The following UVSSA variants were observed in gnomAD, a reference collection of about 807,000 sequenced individuals.
UVSSA encodes UV-stimulated scaffold protein A.
Under a neutral mutation model 73.9 loss-of-function variants are expected in UVSSA, and 72 were observed. The ratio of observed to expected loss-of-function variants is 0.97; its 90% confidence interval spans 0.81 to 1.19. UVSSA has a LOEUF of 1.19. Ranked by LOEUF, UVSSA falls within the 50% of genes most tolerant of loss-of-function variation. UVSSA has a pLI of 0.00. For missense variants in UVSSA, 1,150 were observed against 965.0 expected, an observed-to-expected ratio of 1.19 and a Z score of -2.54; for synonymous variants, 454 against 391.3, an observed-to-expected ratio of 1.16 and a Z score of -1.89.
At chr4:1,394,450 T>C in exon 14 of UVSSA, 2 of 1,606,780 alleles carry the variant, frequency 1.2e-6, no homozygotes, top group Non-Finnish European at 1.7e-6. Context: ...TGATACAAAA[T>C]GTGAGCCAGG....
intron 8 of UVSSA, among the ~76,000 whole-genome samples, chr4:1,367,871 T>C (rs1007308127): frequency 4.0e-5 from 6 of 151,678 alleles, no homozygotes; most frequent in Admixed American, 3.9e-4. Context: ...ACACTGTTCT[T>C]CCAACACCAG....
chr4:1,360,676 G>A (rs1385596411), intron 7 of UVSSA, among the ~76,000 whole-genome samples: 2 of 152,116 alleles, frequency 1.3e-5, no homozygotes, highest in Non-Finnish European at 2.9e-5. Flanking sequence ...TCCCGCCCCC[G>A]TGAGCCGAGT....
At chr4:1,342,242 G>T (rs1713458171), upstream of UVSSA, among the ~76,000 whole-genome samples, 1 of 152,158 alleles carries the variant, frequency 6.6e-6, no homozygotes, top group African/African-American at 2.4e-5. Context: ...GATTCCAGTG[G>T]CCCCACATTG....
chr4:1,348,134 T>TC lies in UVSSA; in HGVS notation c.44dup (p.Gly16ArgfsTer8). On this transcript the variant is annotated frameshift_variant, in exon 2 of 14. Transcript: ENST00000389851. LOFTEE classifies it high-confidence loss of function. The stretch of plus-strand genomic sequence containing the variant: ...GAAGTTGGTAGAAGAGCTCACAACT[T>TC]CAGGAGAACCCCGACTAAATCCTGA... 6.2e-7 allele frequency: 1 copy of TC among 1,613,870 alleles called. No individual in the cohort carries two copies. The highest frequency in any genetic ancestry group is 8.5e-7 in the Non-Finnish European group (1 of 1,179,990).
upstream of UVSSA, among the ~76,000 whole-genome samples, chr4:1,342,773 T>C (rs572464085): frequency 1.4e-4 from 22 of 152,336 alleles, no homozygotes; most frequent in South Asian, 3.5e-3. Flanking sequence ...GTTGGCTCCA[T>C]TAGAAAAAAT....
intron 10 of UVSSA, among the ~76,000 whole-genome samples, chr4:1,379,609 C>T (rs967348247): frequency 2.6e-5 from 4 of 152,220 alleles, no homozygotes; most frequent in Admixed American, 6.5e-5. Flanking sequence ...CCTGTCCTTA[C>T]GTCCCTGCAG....
At chr4:1,346,047 C>A (rs145271312), upstream of UVSSA, among the ~76,000 whole-genome samples, 3,515 of 152,206 alleles carry the variant, frequency 0.023, 79 homozygotes, top group Non-Finnish European at 0.033. Context: ...GGAGGAGCGG[C>A]TCGGGGCTGG....
chr4:1,381,119 C>T (rs542941090), intron 12 of UVSSA, 131 bp downstream of exon 12: 15 of 855,978 alleles, frequency 1.8e-5, no homozygotes, highest in Middle Eastern at 3.6e-4. Context: ...ACAAGCCTCT[C>T]GGTCATAACT....
At chr4:1,388,280 G>T (rs1273789263), downstream of UVSSA, 1 of 152,184 alleles carries the variant, frequency 6.6e-6, no homozygotes, top group Non-Finnish European at 1.5e-5. Context: ...TCACTTTGGG[G>T]CTGATCATTG....
chr4:1,364,736 C>T (rs1717088195), intron 7 of UVSSA, among the ~76,000 whole-genome samples: 1 of 152,098 alleles, frequency 6.6e-6, no homozygotes, highest in African/African-American at 2.4e-5. Context: ...TACCTCAACC[C>T]TGGGGGCATC....
At chr4:1,345,701 A>G (rs1713614186), upstream of UVSSA, among the ~76,000 whole-genome samples, 1 of 146,032 alleles carries the variant, frequency 6.8e-6, no homozygotes, top group South Asian at 2.2e-4. Flanking sequence ...GCGGATACAG[A>G]GGGCAGTGGA....
Position 1,395,437 on chromosome 4 carries a change from T to G in UVSSA, c.*9476T>G, listed in dbSNP as rs747126815. 3.3e-6 allele frequency: 5 copies of G among 1,521,352 alleles called. No homozygotes were observed. In the African/African-American group the frequency reaches 8.2e-5, roughly 25 times the overall value. 94.2% of individuals were successfully genotyped at this position (1,521,352 alleles called of 1,614,324 possible). A position where few individuals can be genotyped will look rare whatever the true frequency, so the allele number is the denominator to read the frequency against. ...CCTGCTCACACGTGCCGACGTGGAG[T>G]GCCCGCCTGCTCACGTGCCCATATG... On this transcript the variant is annotated 3_prime_UTR_variant, in exon 14 of 14. Transcript: ENST00000511216.
intron 12 of UVSSA, among the ~76,000 whole-genome samples, chr4:1,381,653 C>T (rs576973927): frequency 6.6e-6 from 1 of 151,484 alleles, no homozygotes; most frequent in Non-Finnish European, 1.5e-5. Flanking sequence ...TGGCCAGCCT[C>T]AGGCGCTCTC....
At chr4:1,374,110 G>A (rs368677489) in intron 8 of UVSSA, among the ~76,000 whole-genome samples, 1 of 152,204 alleles carries the variant, frequency 6.6e-6, no homozygotes, top group South Asian at 2.1e-4. Context: ...GCCTTGCTCG[G>A]TCTGTTTTCT....
In UVSSA at chr4:1,380,031, C is replaced by T. The variant is rs4441709; in HGVS notation, c.1569-16C>T. ...GTCCCTGCAGATGCTATGAGGGCCT[C>T]TGGCTGTGTCTGCAGGTCTGACTCC... On this transcript the variant is annotated splice_polypyrimidine_tract_variant and intron_variant, in intron 10 of 13. Transcript: ENST00000389851. 2.5e-6 allele frequency: 4 copies of T among 1,587,244 alleles called. No individual in the cohort carries two copies. The highest frequency in any genetic ancestry group is 1.1e-5 in the South Asian group (1 of 87,810).
At chr4:1,393,164 C>T (rs1411906297) in exon 14 of UVSSA, 8 of 152,188 alleles carry the variant, frequency 5.3e-5, no homozygotes, top group African/African-American at 1.9e-4. Context: ...TCTCAGTTGA[C>T]CTATCTTCAA....
intron 7 of UVSSA, among the ~76,000 whole-genome samples, chr4:1,365,047 C>G (rs902237152): frequency 6.6e-6 from 1 of 152,198 alleles, no homozygotes; most frequent in Non-Finnish European, 1.5e-5. Context: ...GAAGGTGAGG[C>G]GGAGAAGAGC....
intron 7 of UVSSA, among the ~76,000 whole-genome samples, chr4:1,360,117 C>A (rs1399622557): frequency 6.6e-6 from 1 of 152,250 alleles, no homozygotes; most frequent in Non-Finnish European, 1.5e-5. Context: ...GGTGATGGGG[C>A]CCCTCCATCA....
chr4:1,352,364 CCCAGGTGTGGGACCTGCCA>C (rs1714911336), intron 4 of UVSSA, among the ~76,000 whole-genome samples: 1 of 152,234 alleles, frequency 6.6e-6, no homozygotes, highest in Non-Finnish European at 1.5e-5. Context: ...AGACTGTGGT[CCCAGGTGTGGGACCTGCCA>C]CAGGCCACTG....
Sources: gnomAD v4.1 joint callset for allele counts (sites outside exome capture counted in the v4.1 genomes callset) on GRCh38, gnomAD v4.1.1 for gene constraint, MANE v1.5 for transcripts, NCBI Gene and HGNC (gene_info 2026-07-23, HGNC 2026-07-21) for gene names.